Variants in TEKTIP1 observed in about 807,000 individuals in gnomAD.
TEKTIP1 encodes tektin bundle-interacting protein 1.
the TEKTIP1 span, chr19:3,539,274 T>G: frequency 6.5e-7 from 1 of 1,528,936 alleles, no homozygotes; most frequent in Non-Finnish European, 8.9e-7. Flanking sequence ...AGCCCCTCCC[T>G]ACAGGTGAGC....
At chr19:3,540,200 C>G in the TEKTIP1 span, among the ~76,000 whole-genome samples, 1 of 141,514 alleles carries the variant, frequency 7.1e-6, no homozygotes, top group Non-Finnish European at 1.5e-5. Flanking sequence ...TTCTAGGATT[C>G]TTCCATCTCA....
chr19:3,539,304 C>T, the TEKTIP1 span: 1 of 1,240,154 alleles, frequency 8.1e-7, no homozygotes, highest in Admixed American at 2.0e-5. Context: ...CCCCTCCCTC[C>T]CTCCCTCCCT....
At chr19:3,542,102 G>A in the TEKTIP1 span, 69 of 984,912 alleles carry the variant, frequency 7.0e-5, no homozygotes, top group South Asian at 2.8e-4. Context: ...GAGCCACTGC[G>A]CCCAGACAAT....
chr19:3,543,131 C>T, the TEKTIP1 span: 1 of 1,512,208 alleles, frequency 6.6e-7, no homozygotes, highest in Non-Finnish European at 8.8e-7. Flanking sequence ...AGACCCCACG[C>T]CGTGGGCCAG....
the TEKTIP1 span, chr19:3,541,483 C>T: frequency 4.0e-5 from 7 of 173,214 alleles, no homozygotes; most frequent in African/African-American, 9.6e-5. Context: ...CCACCACGCC[C>T]GGCTAATTTT....
the TEKTIP1 span, chr19:3,539,601 C>T: frequency 3.5e-6 from 1 of 286,126 alleles, no homozygotes; most frequent in Admixed American, 4.8e-5. Context: ...GTCTGTCCCA[C>T]ACCTCTTGCA....
the TEKTIP1 span, chr19:3,539,207 G>T: frequency 3.2e-6 from 5 of 1,549,194 alleles, no homozygotes; most frequent in South Asian, 4.8e-5. Flanking sequence ...AGGCTGCACG[G>T]CCCTGTATCC....
the TEKTIP1 span, among the ~76,000 whole-genome samples, chr19:3,540,642 G>A: frequency 6.6e-6 from 1 of 151,616 alleles, no homozygotes; most frequent in Admixed American, 6.6e-5. Context: ...CACTTTCGGA[G>A]GCCGAGGCAG....
At chr19:3,541,700 G>C in the TEKTIP1 span, 1 of 985,254 alleles carries the variant, frequency 1.0e-6, no homozygotes, top group Non-Finnish European at 1.2e-6. Context: ...GGGGGTGAGT[G>C]CATGTACCAC....
the TEKTIP1 span, among the ~76,000 whole-genome samples, chr19:3,541,117 C>G: frequency 1.4e-5 from 2 of 139,344 alleles, no homozygotes; most frequent in Admixed American, 7.4e-5. Context: ...TGCAGTGAGC[C>G]GAGATCAGGC....
the TEKTIP1 span, chr19:3,543,662 A>G: frequency 1.3e-6 from 2 of 1,541,072 alleles, no homozygotes; most frequent in South Asian, 1.2e-5. Flanking sequence ...AGACAGGCCA[A>G]TCCGGGGCAA....
At chr19:3,540,816 T>C in the TEKTIP1 span, among the ~76,000 whole-genome samples, 1 of 137,312 alleles carries the variant, frequency 7.3e-6, no homozygotes. Context: ...GAGGCAGAGG[T>C]TGCAGTGAGC....
chr19:3,543,308 C>T, the TEKTIP1 span: 20 of 1,549,118 alleles, frequency 1.3e-5, no homozygotes, highest in Non-Finnish European at 1.6e-5. Context: ...GAAGTACACG[C>T]CCATGGGACG....
chr19:3,544,008 T>A, the TEKTIP1 span: 4 of 1,536,572 alleles, frequency 2.6e-6, no homozygotes, highest in Non-Finnish European at 3.5e-6. Context: ...CACTCCCCGA[T>A]AAAGGCATGC....
At chr19:3,543,283 G>T in the TEKTIP1 span, 1 of 1,548,118 alleles carries the variant, frequency 6.5e-7, no homozygotes, top group South Asian at 1.2e-5. Flanking sequence ...CAGCCATCAG[G>T]CAGGCCACAC....
chr19:3,539,500 A>T, the TEKTIP1 span: 31 of 524,516 alleles, frequency 5.9e-5, no homozygotes, highest in South Asian at 1.1e-4. Flanking sequence ...GTCTCCAAGG[A>T]CTGCAAACGC....
At chr19:3,539,311 C>A in the TEKTIP1 span, 1 of 1,147,468 alleles carries the variant, frequency 8.7e-7, no homozygotes, top group Non-Finnish European at 1.3e-6. Flanking sequence ...CTCCCTCCCT[C>A]CCTGGGTGTC....
chr19:3,543,227 A>C, the TEKTIP1 span: 3 of 1,540,914 alleles, frequency 1.9e-6, no homozygotes, highest in African/African-American at 2.7e-5. Context: ...CCCCCTGCCC[A>C]CCCTCAGCGA....
At chr19:3,542,245 C>A in the TEKTIP1 span, 1 of 985,314 alleles carries the variant, frequency 1.0e-6, no homozygotes, top group Non-Finnish European at 1.2e-6. Context: ...CTCAAACAGG[C>A]TCTGTAACTG....
Sources: gnomAD v4.1 joint callset for allele counts (sites outside exome capture counted in the v4.1 genomes callset) on GRCh38, gnomAD v4.1.1 for gene constraint, MANE v1.5 for transcripts, NCBI Gene and HGNC (gene_info 2026-07-23, HGNC 2026-07-21) for gene names.